BLTP1: variants seen among roughly 807,000 people sequenced by gnomAD.
BLTP1 encodes bridge-like lipid transfer protein family member 1.
chr4:122,229,894 A>G, the BLTP1 span: 4 of 1,574,236 alleles, frequency 2.5e-6, no homozygotes, highest in East Asian at 9.1e-5. Context: ...AAATACAGAA[A>G]TTACACTTTT....
the BLTP1 span, chr4:122,328,082 T>C: frequency 6.6e-7 from 1 of 1,503,958 alleles, no homozygotes; most frequent in Non-Finnish European, 9.0e-7. Flanking sequence ...ATCTGATTCA[T>C]GTTTTTTCTT....
At chr4:122,334,850 G>C in the BLTP1 span, among the ~76,000 whole-genome samples, 1 of 152,002 alleles carries the variant, frequency 6.6e-6, no homozygotes, top group Non-Finnish European at 1.5e-5. Context: ...GGGAGCTTAT[G>C]AGCAGATGGA....
the BLTP1 span, chr4:122,200,880 G>A: frequency 7.5e-7 from 1 of 1,328,222 alleles, no homozygotes; most frequent in Non-Finnish European, 1.0e-6. Flanking sequence ...GTCTCAAAGG[G>A]ACCTTCTGTT....
chr4:122,313,295 G>T, the BLTP1 span, among the ~76,000 whole-genome samples: 1 of 152,096 alleles, frequency 6.6e-6, no homozygotes, highest in Admixed American at 6.6e-5. Context: ...CAGCATCCTG[G>T]ATATTAGTAG....
At chr4:122,219,400 G>A in the BLTP1 span, 375 of 1,614,136 alleles carry the variant, frequency 2.3e-4, 1 homozygote, top group South Asian at 2.1e-3. Context: ...CTCAAGTCCT[G>A]TTTTGTCACT....
chr4:122,208,650 A>G, the BLTP1 span: 1 of 984,182 alleles, frequency 1.0e-6, no homozygotes, highest in Non-Finnish European at 1.2e-6. Context: ...TTTGGAAACT[A>G]TGCTGTTTCT....
At chr4:122,329,109 T>G in the BLTP1 span, among the ~76,000 whole-genome samples, 1 of 151,778 alleles carries the variant, frequency 6.6e-6, no homozygotes, top group African/African-American at 2.4e-5. Flanking sequence ...ATATTTGGTT[T>G]TATTCCTTCA....
chr4:122,192,887 A>G, the BLTP1 span, among the ~76,000 whole-genome samples: 1 of 152,208 alleles, frequency 6.6e-6, no homozygotes, highest in East Asian at 1.9e-4. Flanking sequence ...ATAAAGCATC[A>G]CAGATAATGT....
At chr4:122,325,512 G>A in the BLTP1 span, 1 of 984,900 alleles carries the variant, frequency 1.0e-6, no homozygotes, top group Non-Finnish European at 1.2e-6. Context: ...CCATGAAGCA[G>A]GTGTTAGTAT....
chr4:122,279,438 A>G, the BLTP1 span, among the ~76,000 whole-genome samples: 50 of 152,296 alleles, frequency 3.3e-4, no homozygotes, highest in African/African-American at 1.2e-3. Context: ...TGATTTTGCT[A>G]TAATTCGCCC....
At chr4:122,199,521 G>A in the BLTP1 span, 2 of 1,308,354 alleles carry the variant, frequency 1.5e-6, no homozygotes, top group Non-Finnish European at 1.1e-6. Flanking sequence ...CTTATATTAA[G>A]TTTAAGTAAC....
chr4:122,269,053 A>T, the BLTP1 span: 11 of 923,558 alleles, frequency 1.2e-5, no homozygotes, highest in African/African-American at 1.8e-5. Flanking sequence ...GGAACCATCA[A>T]ATCCAGACCC....
the BLTP1 span, among the ~76,000 whole-genome samples, chr4:122,163,447 G>A: frequency 2.6e-5 from 4 of 152,318 alleles, no homozygotes; most frequent in Non-Finnish European, 4.4e-5. Flanking sequence ...AGTGCAAGCT[G>A]AGTGTGTCCT....
At chr4:122,343,585 C>T in the BLTP1 span, 3 of 1,613,780 alleles carry the variant, frequency 1.9e-6, no homozygotes, top group Non-Finnish European at 2.5e-6. Context: ...CTGTTTCTGG[C>T]CTCACACCTG....
chr4:122,172,331 A>G, the BLTP1 span: 1 of 723,558 alleles, frequency 1.4e-6, no homozygotes, highest in Admixed American at 6.3e-5. Flanking sequence ...AGTAAGAGCA[A>G]ATTGATTATC....
chr4:122,189,408 GT>G, the BLTP1 span: 1 of 983,558 alleles, frequency 1.0e-6, no homozygotes, highest in Non-Finnish European at 1.2e-6. Context: ...TCATTCCAGA[GT>G]TAGAGTTCAC....
At chr4:122,349,216 C>T in the BLTP1 span, 4 of 1,612,834 alleles carry the variant, frequency 2.5e-6, no homozygotes, top group Non-Finnish European at 8.5e-7. This position sits in a 1 kb window ranked among gnomAD's most constrained non-coding sequence, Gnocchi z 4.5. Context: ...TAATCGTGAT[C>T]GAGAGATCAG....
the BLTP1 span, chr4:122,215,516 T>C: frequency 3.0e-6 from 3 of 985,354 alleles, no homozygotes; most frequent in Non-Finnish European, 3.6e-6. Flanking sequence ...GGTGATTTTC[T>C]GGGGGCCATT....
At chr4:122,228,799 C>G in the BLTP1 span, among the ~76,000 whole-genome samples, 1 of 152,146 alleles carries the variant, frequency 6.6e-6, no homozygotes, top group African/African-American at 2.4e-5. Context: ...ACCTGTGGCA[C>G]TGTTTTACTT....
Sources: allele counts gnomAD v4.1 joint callset (sites outside exome capture counted in the v4.1 genomes callset), GRCh38; gene constraint gnomAD v4.1.1; non-coding constraint Gnocchi (gnomAD v3.1); transcripts MANE v1.5; gene names NCBI Gene and HGNC (gene_info 2026-07-23, HGNC 2026-07-21).